The following PTPRD variants were observed in gnomAD, a reference collection of about 807,000 sequenced individuals.
The protein encoded by PTPRD is protein tyrosine phosphatase receptor type D.
PTPRD carries 34 observed loss-of-function variants against 214.5 expected under a neutral mutation model. That is an observed-to-expected ratio of 0.16 (90% CI 0.12 to 0.21). The LOEUF is 0.21. PTPRD is among the 10% of genes least tolerant of loss of function. The probability of loss-of-function intolerance (pLI) is 1.00; values close to 1 mark genes in which losing one functional copy is unlikely to be tolerated. For synonymous variants in PTPRD, 1,128 were observed against 845.7 expected, an observed-to-expected ratio of 1.33 and a Z score of -5.79; for missense variants, 2,545 against 2,398.7, an observed-to-expected ratio of 1.06 and a Z score of -1.27.
At chr9:9,898,580 G>T (rs1024540350) in intron 5 of PTPRD, among the ~76,000 whole-genome samples, 2 of 152,076 alleles carry the variant, frequency 1.3e-5, no homozygotes, top group Non-Finnish European at 2.9e-5. Flanking sequence ...AATCCTTAGA[G>T]GTTAGAGACA....
intron 2 of PTPRD, among the ~76,000 whole-genome samples, chr9:10,552,071 T>C (rs2061476759): frequency 6.6e-6 from 1 of 152,186 alleles, no homozygotes; most frequent in Non-Finnish European, 1.5e-5. Context: ...GGATTCATGT[T>C]ATATCACTTG....
intron 3 of PTPRD, among the ~76,000 whole-genome samples, chr9:10,082,840 A>ACAC (rs1555566891): frequency 7.8e-5 from 10 of 128,230 alleles, no homozygotes; most frequent in African/African-American, 2.3e-4. Context: ...CACACACACA[A>ACAC]ACACACACAC....
At chr9:8,797,296 A>G (rs2096457960) in intron 11 of PTPRD, 1 of 152,202 alleles carries the variant, frequency 6.6e-6, no homozygotes, top group Non-Finnish European at 1.5e-5. Context: ...AGTTCTTCTC[A>G]CGATAACCAT....
At chr9:10,316,572 G>A (rs957862110) in intron 3 of PTPRD, among the ~76,000 whole-genome samples, 6 of 151,838 alleles carry the variant, frequency 4.0e-5, no homozygotes, top group African/African-American at 7.2e-5. Context: ...GATTTCATTT[G>A]GTCTTTTTCC....
intron 2 of PTPRD, among the ~76,000 whole-genome samples, chr9:10,520,909 G>A (rs1417204376): frequency 6.6e-6 from 1 of 151,320 alleles, no homozygotes; most frequent in Admixed American, 6.6e-5. Context: ...TTCTAAATAT[G>A]ACTGCTTATT....
At chr9:10,119,430 C>T (rs908904360) in intron 3 of PTPRD, among the ~76,000 whole-genome samples, 5 of 151,966 alleles carry the variant, frequency 3.3e-5, no homozygotes, top group Non-Finnish European at 7.4e-5. Context: ...GAGTGTAGTA[C>T]ATCTGACTTC....
intron 10 of PTPRD, among the ~76,000 whole-genome samples, chr9:9,148,059 G>A (rs1282246723): frequency 6.6e-6 from 1 of 152,172 alleles, no homozygotes; most frequent in East Asian, 1.9e-4. Context: ...TACGCATATG[G>A]AAGCATTATG....
intron 5 of PTPRD, among the ~76,000 whole-genome samples, chr9:9,877,263 C>A (rs572721106): frequency 6.6e-6 from 1 of 152,026 alleles, no homozygotes; most frequent in South Asian, 2.1e-4. Context: ...GATAGTGACC[C>A]AAGAACAACT....
At chr9:9,926,046 G>C (rs369057334) in intron 5 of PTPRD, among the ~76,000 whole-genome samples, 1 of 151,930 alleles carries the variant, frequency 6.6e-6, no homozygotes, top group African/African-American at 2.4e-5. Flanking sequence ...GCCCAGGCTG[G>C]TCTAGACTCC....
intron 4 of PTPRD, among the ~76,000 whole-genome samples, chr9:9,940,834 A>G (rs2091256473): frequency 6.6e-6 from 1 of 152,130 alleles, no homozygotes; most frequent in Non-Finnish European, 1.5e-5. Context: ...ATTTGCCTAG[A>G]AAACTCTTGC....
At chr9:9,448,130 T>C (rs532025275) in intron 8 of PTPRD, among the ~76,000 whole-genome samples, 102 of 152,140 alleles carry the variant, frequency 6.7e-4, no homozygotes, top group Middle Eastern at 3.4e-3. Context: ...GCCCCATGCA[T>C]TTAAATCAGG....
Position 9,396,981 on chromosome 9 carries a change from T to C in PTPRD, c.-203+468A>G, listed in dbSNP as rs1245597669. 3.3e-5 allele frequency among the ~76,000 whole-genome samples: 5 copies of C among 152,138 alleles called. 1 individual carries two copies. Among genetic ancestry groups the C allele is most frequent in the Admixed American group, 2.6e-4 (4 of 15,244 alleles). On this transcript the variant is annotated intron_variant, in intron 9 of 45. Coordinates refer to ENST00000381196, the MANE Select transcript of PTPRD (RefSeq NM_002839.4). Reference sequence around the variant, plus strand: ...TATATCCACTCATCTTAGTTTCCAATGAATAATCATAGCAATATAAGGCAA... The same window carrying C: ...TATATCCACTCATCTTAGTTTCCAACGAATAATCATAGCAATATAAGGCAA...
intron 8 of PTPRD, among the ~76,000 whole-genome samples, chr9:9,437,417 G>A (rs10977745): frequency 0.064 from 9,191 of 142,982 alleles, 383 homozygotes; most frequent in Non-Finnish European, 0.098. Flanking sequence ...TCACAATGAT[G>A]CCCCCTGAGA....
chr9:8,343,819 G>A (rs115230396), intron 39 of PTPRD, among the ~76,000 whole-genome samples: 1 of 152,038 alleles, frequency 6.6e-6, no homozygotes, highest in African/African-American at 2.4e-5. Context: ...AAACAAATTA[G>A]TGACTGGCTT....
intron 2 of PTPRD, among the ~76,000 whole-genome samples, chr9:10,456,497 ATAGTT>A (rs2098918368): frequency 6.6e-6 from 1 of 151,962 alleles, no homozygotes. Flanking sequence ...GATTAGGACT[ATAGTT>A]TAAGAAAATC....
At chr9:9,643,041 G>C (rs2096018965) in intron 7 of PTPRD, among the ~76,000 whole-genome samples, 2 of 152,196 alleles carry the variant, frequency 1.3e-5, no homozygotes, top group South Asian at 2.1e-4. Flanking sequence ...GCTAAAATAT[G>C]AGTTTCCATG....
intron 7 of PTPRD, among the ~76,000 whole-genome samples, chr9:9,670,022 G>A (rs1355295690): frequency 6.6e-6 from 1 of 152,126 alleles, no homozygotes; most frequent in Non-Finnish European, 1.5e-5. Context: ...ATGAGAAAGA[G>A]GGAGAGATCT....
intron 9 of PTPRD, among the ~76,000 whole-genome samples, chr9:9,258,908 G>C (rs1245287834): frequency 6.6e-6 from 1 of 151,742 alleles, no homozygotes; most frequent in East Asian, 2.0e-4. Context: ...TTTTTTTAAA[G>C]GCCTATTTTT....
chr9:10,182,678 C>T (rs1222699952), intron 3 of PTPRD, among the ~76,000 whole-genome samples: 1 of 152,098 alleles, frequency 6.6e-6, no homozygotes, highest in African/African-American at 2.4e-5. Context: ...CTTGATTTCA[C>T]TTTATAAACA....
Sources: allele counts gnomAD v4.1 joint callset (sites outside exome capture counted in the v4.1 genomes callset), GRCh38; gene constraint gnomAD v4.1.1; transcripts MANE v1.5; gene names NCBI Gene and HGNC (gene_info 2026-07-23, HGNC 2026-07-21).